Variants in CSDE1 observed in about 807,000 individuals in gnomAD.
The protein encoded by CSDE1 is cold shock domain-containing protein E1.
A neutral mutation model predicts 89.3 loss-of-function variants in CSDE1; 17 were observed. The observed-to-expected ratio is 0.19, with a 90% CI of 0.13 to 0.29. The LOEUF (loss-of-function observed/expected upper bound fraction) is 0.29, where lower values mean the gene tolerates loss of function less well. Among genes scored for constraint, CSDE1 ranks in the 10% least tolerant of loss-of-function variants. The pLI is 1.00. For synonymous variants in CSDE1, 322 were observed against 332.8 expected, an observed-to-expected ratio of 0.97 and a Z score of 0.35; for missense variants, 672 against 984.2, an observed-to-expected ratio of 0.68 and a Z score of 4.24.
chr1:114,739,292 A>T (rs1323701922), intron 3 of CSDE1, among the ~76,000 whole-genome samples: 2 of 152,144 alleles, frequency 1.3e-5, no homozygotes, highest in African/African-American at 4.8e-5. Context: ...CGGCCTCCCA[A>T]AGTGCTGGGA....
intron 10 of CSDE1, among the ~76,000 whole-genome samples, chr1:114,731,390 T>TAA (rs368044895): frequency 0.044 from 5,856 of 134,338 alleles, 263 homozygotes; most frequent in African/African-American, 0.11. Flanking sequence ...TTTGAAAATG[T>TAA]AAAAAAAAAA....
chr1:114,736,671 T>G (rs1363361269), intron 6 of CSDE1, 87 bp downstream of exon 6: 1 of 748,102 alleles, frequency 1.3e-6, no homozygotes, highest in African/African-American at 1.8e-5. Flanking sequence ...GACTTACAAG[T>G]TAGGTTTTTA....
chr1:114,722,922 C>T (rs1392032280), intron 16 of CSDE1, among the ~76,000 whole-genome samples: 2 of 152,208 alleles, frequency 1.3e-5, no homozygotes, highest in African/African-American at 4.8e-5. Flanking sequence ...CCCAAATGAC[C>T]TGCTATTCAG....
chr1:114,718,828 A>C (rs1264323108), intron 18 of CSDE1, 83 bp from the exon 19 acceptor site: 1 of 1,490,228 alleles, frequency 6.7e-7, no homozygotes. Context: ...TTTTCCACCT[A>C]ACTGCCCAAA....
intron 2 of CSDE1, among the ~76,000 whole-genome samples, chr1:114,742,613 G>A (rs1230270220): frequency 6.6e-6 from 1 of 152,076 alleles, no homozygotes; most frequent in East Asian, 1.9e-4. Context: ...TAGACAAATG[G>A]TTGAAAGATT....
Position 114,718,512 on chromosome 1 carries a change from TC to T in CSDE1, c.2349+100del, listed in dbSNP as rs1659328808. ...ACTAGTTATAAGCAATATGGAAGTCTCCCTGCTTCATTAAGTTTCCTGACCT... is the reference window on the plus strand; with the variant it reads ...ACTAGTTATAAGCAATATGGAAGTCTCCTGCTTCATTAAGTTTCCTGACCT... On this transcript the variant is annotated intron_variant, in intron 19 of 19. Coordinates refer to ENST00000358528, the MANE Select transcript of CSDE1 (RefSeq NM_001007553.3). The T allele has an allele frequency of 8.9e-6, 13 of 1,461,152 alleles. No homozygotes were observed. The South Asian group carries it at 1.7e-4, about 20-fold the overall frequency. 90.5% of individuals were successfully genotyped at this position (1,461,152 alleles called of 1,614,324 possible). A position where few individuals can be genotyped will look rare whatever the true frequency, so the allele number is the denominator to read the frequency against.
chr1:114,718,830 C>G, intron 18 of CSDE1, 85 bp from the exon 19 acceptor site: 1 of 1,478,888 alleles, frequency 6.8e-7, no homozygotes, highest in Non-Finnish European at 9.2e-7. Context: ...TTCCACCTAA[C>G]TGCCCAAATG....
Position 114,720,573 on chromosome 1 carries a change from A to C in CSDE1, c.2018T>G (p.Leu673Arg). Residue 673 changes from leucine (L) to arginine (R), a missense_variant, in exon 17 of 20, where the codon CTG becomes CGG. Transcript: ENST00000358528. ...AQTMAYNITP[L>R]RRATVECVKD... ...CACACATTCCACTGTGGCCCTGCGCAGGGGTGTGATGTTGTAAGCCATAGT... is the reference window on the plus strand; with the variant it reads ...CACACATTCCACTGTGGCCCTGCGCCGGGGTGTGATGTTGTAAGCCATAGT... The C allele has an allele frequency of 6.2e-7, 1 of 1,614,114 alleles. No individual in the cohort carries two copies. The highest frequency in any genetic ancestry group is 8.5e-7 in the Non-Finnish European group (1 of 1,179,992).
intron 6 of CSDE1, among the ~76,000 whole-genome samples, chr1:114,736,141 T>C (rs566366387): frequency 6.6e-6 from 1 of 152,282 alleles, no homozygotes; most frequent in South Asian, 2.1e-4. Context: ...TCAATTAAGA[T>C]TGATGATTCT....
Position 114,717,819 on chromosome 1 carries a change from A to C in CSDE1, c.*350T>G. On this transcript the variant is annotated 3_prime_UTR_variant, in exon 20 of 20. Transcript: ENST00000358528. ...TAGAGTATATAATGAAAAGTGCAGA[A>C]TTTCATAGGGCCAACAAGATAACAG... 3 of 250,744 alleles carry C rather than the reference A, an allele frequency of 1.2e-5. No homozygotes were observed. The highest frequency in any genetic ancestry group is 8.8e-5 in the East Asian group (1 of 11,318). 15.5% of individuals were successfully genotyped at this position (250,744 alleles called of 1,614,324 possible). A position where few individuals can be genotyped will look rare whatever the true frequency, so the allele number is the denominator to read the frequency against.
chr1:114,745,633 T>G (rs1228549478), intron 2 of CSDE1, among the ~76,000 whole-genome samples: 1 of 152,246 alleles, frequency 6.6e-6, no homozygotes, highest in Admixed American at 6.5e-5. Flanking sequence ...CAGCATTATT[T>G]TAGGTTCTAC....
chr1:114,739,713 G>A lies in CSDE1; in HGVS notation c.178C>T (p.Leu60=). ...TTACCTCCTACTTTTAAGTCTTGCA[G>A]GTTGCCATTATACTGTGAACAGTGG... ...FFHCSQYNGN[L]QDLKVGDDVE... is the part of the protein sequence containing the mutation. The change falls in exon 3 of 20, where the codon CTG becomes TTG. Residue 60 remains leucine, a synonymous_variant. Coordinates refer to ENST00000358528, the MANE Select transcript of CSDE1 (RefSeq NM_001007553.3). 1.2e-6 allele frequency: 2 copies of A among 1,608,414 alleles called. No individual in the cohort carries two copies. Among genetic ancestry groups the A allele is most frequent in the Non-Finnish European group, 1.7e-6 (2 of 1,175,036 alleles).
Position 114,732,648 on chromosome 1 carries a change from C to T in CSDE1, c.1006G>A (p.Val336Ile), listed in dbSNP as rs1259671915. The T allele has an allele frequency of 2.5e-6, 4 of 1,608,252 alleles. No homozygotes were observed. The African/African-American group carries it at 4.0e-5, about 16-fold the overall frequency. ...DKLERATNIE[V>I]LSNTFQFTNE... is the part of the protein sequence containing the mutation. ...GTGAACTGAAATGTATTTGACAGAA[C>T]TTCTATATTGGTTGCTCGCTCTAAT... Residue 336 changes from valine to isoleucine, a missense_variant, in exon 10 of 20, where the codon GTT (valine) becomes ATT (isoleucine). Physicochemically the swap from Val to Ile is conservative, Grantham distance 29 (BLOSUM62 3). This residue lies in a region of CSDE1 where 169 missense variants were observed against 262.9 expected (regional missense o/e 0.64). Coordinates refer to ENST00000358528, the MANE Select transcript of CSDE1 (RefSeq NM_001007553.3).
At chr1:114,748,780 G>A (rs1331047652) in intron 2 of CSDE1, among the ~76,000 whole-genome samples, 2 of 152,090 alleles carry the variant, frequency 1.3e-5, no homozygotes, top group African/African-American at 4.8e-5. Flanking sequence ...CTTTTGACAG[G>A]TCTTCCCATC....
At chr1:114,744,875 T>C (rs1380553062) in intron 2 of CSDE1, among the ~76,000 whole-genome samples, 1 of 152,194 alleles carries the variant, frequency 6.6e-6, no homozygotes, top group Non-Finnish European at 1.5e-5. Context: ...AATCCCTAGA[T>C]TTTAGATAAA....
Position 114,739,692 on chromosome 1 carries a change from C to A in CSDE1, c.199G>T (p.Asp67Tyr). Reference protein sequence around the residue: ...NGNLQDLKVGDDVEFEVSSDR... With the variant: ...NGNLQDLKVGYDVEFEVSSDR... ...TTACAAAGGAGAACTGACAGATTAC[C>A]TCCTACTTTTAAGTCTTGCAGGTTG... Residue 67 changes from aspartate (D) to tyrosine (Y), a missense_variant and splice_region_variant, in exon 3 of 20, where the codon GAT becomes TAT. This residue lies in a region of CSDE1 where 34 missense variants were observed against 73.3 expected (regional missense o/e 0.46). Transcript: ENST00000358528. The A allele has an allele frequency of 6.3e-7, 1 of 1,599,068 alleles. No individual in the cohort carries two copies.
chr1:114,738,747 T>C (rs1302607279), intron 3 of CSDE1, among the ~76,000 whole-genome samples: 1 of 135,772 alleles, frequency 7.4e-6, no homozygotes, highest in African/African-American at 2.8e-5. Flanking sequence ...CTCAGCTCAC[T>C]GCAACCTCTA....
Position 114,717,975 on chromosome 1 carries a change from T to A in CSDE1, c.*194A>T. 1.7e-6 allele frequency: 1 copy of A among 579,982 alleles called. No homozygotes were observed. The highest frequency in any genetic ancestry group is 3.0e-6 in the Non-Finnish European group (1 of 337,300). 35.9% of individuals were successfully genotyped at this position (579,982 alleles called of 1,614,324 possible). ...GTTTTTCCAGGCTGCAACTGTGCAT[T>A]ATTTAAAATGGTTTTCTTAAATTTA... On this transcript the variant is annotated 3_prime_UTR_variant, in exon 20 of 20. Transcript: ENST00000358528.
At chr1:114,733,669 C>A in intron 9 of CSDE1, 63 bp downstream of exon 9, 1 of 1,445,500 alleles carries the variant, frequency 6.9e-7, no homozygotes, top group Non-Finnish European at 9.5e-7. Context: ...TCTCAGTATA[C>A]CACACCATAT....
Sources: allele counts gnomAD v4.1 joint callset (sites outside exome capture counted in the v4.1 genomes callset), GRCh38; gene constraint gnomAD v4.1.1; regional missense constraint gnomAD v4.1.1; transcripts MANE v1.5; gene names NCBI Gene and HGNC (gene_info 2026-07-23, HGNC 2026-07-21).